Variants in GTF2I observed in about 807,000 individuals in gnomAD.
The protein encoded by GTF2I is general transcription factor IIi.
GTF2I carries 12 observed loss-of-function variants against 67.6 expected under a neutral mutation model. The ratio of observed to expected loss-of-function variants is 0.18; its 90% CI spans 0.11 to 0.29. GTF2I has a LOEUF of 0.29. Ranked by LOEUF, GTF2I falls within the 10% of genes least tolerant of loss-of-function variation. The pLI, the probability that GTF2I is intolerant of heterozygous loss-of-function variation, is 1.00. For missense variants in GTF2I, 271 were observed against 580.1 expected (o/e 0.47, Z 5.47); for synonymous variants, 149 against 197.0 (o/e 0.76, Z 2.04).
chr7:74,668,134 A>G (rs1005561554), intron 1 of GTF2I, among the ~76,000 whole-genome samples: 3 of 149,570 alleles, frequency 2.0e-5, no homozygotes, highest in Non-Finnish European at 3.0e-5. Flanking sequence ...GCCCAGTCTT[A>G]ACCATTTTTA....
chr7:74,698,860 T>A, intron 3 of GTF2I, 101 bp from the exon 4 acceptor site: 1 of 450,220 alleles, frequency 2.2e-6, no homozygotes, highest in Non-Finnish European at 3.7e-6. Flanking sequence ...GTTTTCCCTG[T>A]TAGGATACAG....
At chr7:74,688,916 G>A (rs1247019681) in intron 1 of GTF2I, 1 of 483,564 alleles carries the variant, frequency 2.1e-6, no homozygotes, top group African/African-American at 1.9e-5. Context: ...CAATTTTCTG[G>A]AAATAACAAT....
At chr7:74,698,250 C>T (rs889106026) in intron 3 of GTF2I, among the ~76,000 whole-genome samples, 2 of 151,688 alleles carry the variant, frequency 1.3e-5, no homozygotes, top group African/African-American at 2.4e-5. Flanking sequence ...CCACCGCGCC[C>T]GGCCTAATTT....
chr7:74,680,079 C>CAAAAAAAAAA (rs1225904374), intron 1 of GTF2I, among the ~76,000 whole-genome samples: 3 of 30,526 alleles, frequency 9.8e-5, no homozygotes, highest in Non-Finnish European at 5.2e-5. Flanking sequence ...GAGTCCATCT[C>CAAAAAAAAAA]AAAAAAAAAA....
intron 12 of GTF2I, chr7:74,726,383 A>G (rs1793780814): frequency 6.6e-6 from 1 of 152,122 alleles, no homozygotes; most frequent in Non-Finnish European, 1.5e-5. Context: ...TAAAAAGTAT[A>G]TTTTCAGAAT....
At chr7:74,703,773 T>C (rs896591362) in intron 6 of GTF2I, among the ~76,000 whole-genome samples, 3 of 152,246 alleles carry the variant, frequency 2.0e-5, no homozygotes, top group East Asian at 3.8e-4. Flanking sequence ...ACAAGTCTTA[T>C]AGCTTCAACT....
Position 74,669,540 on chromosome 7 carries a change from C to CT in GTF2I, c.-6+11485dup, listed in dbSNP as rs797035367. Among the ~76,000 whole-genome samples, 1,071 of 130,008 alleles carry CT rather than the reference C, an allele frequency of 8.2e-3. 9 individuals carry two copies. The highest frequency in any genetic ancestry group is 0.024 in the African/African-American group (836 of 35,126). The allele number at this position is 130,008 out of a possible 152,430, so 85.3% of individuals were successfully genotyped here. ...ACCATCGCTCCCAGCTGGAAGGTGACTTTTTTTTTTTTTGAGACAGTGTCT... is the reference window on the plus strand; with the variant it reads ...ACCATCGCTCCCAGCTGGAAGGTGACTTTTTTTTTTTTTTGAGACAGTGTCT... On this transcript the variant is annotated intron_variant, in intron 1 of 34. Transcript: ENST00000573035.
chr7:74,717,682 AGAG>A (rs1303471959), intron 11 of GTF2I, among the ~76,000 whole-genome samples: 2 of 152,174 alleles, frequency 1.3e-5, no homozygotes, highest in Non-Finnish European at 2.9e-5. Context: ...TAGAATGAAA[AGAG>A]GAGTCTGTTG....
intron 1 of GTF2I, among the ~76,000 whole-genome samples, chr7:74,688,569 G>T (rs1250423573): frequency 1.3e-5 from 2 of 152,158 alleles, no homozygotes; most frequent in Non-Finnish European, 2.9e-5. Context: ...CAATTCTCCT[G>T]CCTCAGCCTC....
chr7:74,725,141 A>C (rs1197236786), intron 12 of GTF2I, among the ~76,000 whole-genome samples: 6 of 152,182 alleles, frequency 3.9e-5, no homozygotes, highest in African/African-American at 1.4e-4. Flanking sequence ...TTTATGCTTC[A>C]GAGTAAAAAG....
chr7:74,663,856 T>A (rs587647208), intron 1 of GTF2I, among the ~76,000 whole-genome samples: 1 of 151,970 alleles, frequency 6.6e-6, no homozygotes, highest in Non-Finnish European at 1.5e-5. Flanking sequence ...TGAGACAGAG[T>A]CTCGCTTTTG....
At chr7:74,697,736 A>G (rs1789085501) in intron 3 of GTF2I, among the ~76,000 whole-genome samples, 1 of 152,020 alleles carries the variant, frequency 6.6e-6, no homozygotes, top group South Asian at 2.1e-4. Context: ...TTTTTATTTG[A>G]AAAGTTCCCT....
chr7:74,662,511 CTTTTTTTTTT>C (rs1161320476), intron 1 of GTF2I, among the ~76,000 whole-genome samples: 49 of 50,222 alleles, frequency 9.8e-4, no homozygotes, highest in African/African-American at 2.8e-3. Flanking sequence ...CACCTGGACC[CTTTTTTTTTT>C]TTTTTTTTTT....
rs1794585027 is a variant in GTF2I at position 74,732,389 on chromosome 7, A to G, written c.1121-90A>G. 3.6e-5 allele frequency: 45 copies of G among 1,259,024 alleles called. No homozygotes were observed. The South Asian group carries it at 9.0e-4, about 25-fold the overall frequency. The allele number at this position is 1,259,024 out of a possible 1,614,324, so 78.0% of individuals were successfully genotyped here. On this transcript the variant is annotated intron_variant, in intron 14 of 34. Coordinates refer to ENST00000573035, the MANE Select transcript of GTF2I (RefSeq NM_032999.4). Reference sequence around the variant, plus strand: ...ACTCCATCTCAAAAAAATAAAAAAAAAGTTAAAGAGCACTACAGATTCAAT... The same window carrying G: ...ACTCCATCTCAAAAAAATAAAAAAAGAGTTAAAGAGCACTACAGATTCAAT...
chr7:74,689,348 CT>C (rs1162860651), intron 2 of GTF2I, 121 bp downstream of exon 2: 10,367 of 144,686 alleles, frequency 0.072, 3 homozygotes, highest in Middle Eastern at 0.15. Context: ...TTTTTCTTTA[CT>C]TTTTTTTTTT....
At chr7:74,696,351 A>C (rs1788901087) in intron 3 of GTF2I, among the ~76,000 whole-genome samples, 1 of 144,648 alleles carries the variant, frequency 6.9e-6, no homozygotes, top group Admixed American at 7.0e-5. Context: ...TTTTTTTTTG[A>C]GACAGAGTCT....
intron 12 of GTF2I, among the ~76,000 whole-genome samples, chr7:74,724,735 A>G (rs1554405318): frequency 2.0e-5 from 3 of 152,308 alleles, no homozygotes; most frequent in Non-Finnish European, 4.4e-5. Context: ...AGCCTGACCA[A>G]CATGGTGAAA....
chr7:74,662,511 C>CTTTTTTTTTTTTTTTTTT (rs1161320476), intron 1 of GTF2I, among the ~76,000 whole-genome samples: 2 of 50,200 alleles, frequency 4.0e-5, no homozygotes, highest in East Asian at 7.3e-4. Flanking sequence ...CACCTGGACC[C>CTTTTTTTTTTTTTTTTTT]TTTTTTTTTT....
chr7:74,709,202 G>A lies in GTF2I; in HGVS notation c.686-1830G>A, dbSNP rs1271221348. On this transcript the variant is annotated intron_variant, in intron 8 of 34. Coordinates refer to ENST00000573035, the MANE Select transcript of GTF2I (RefSeq NM_032999.4). ...AATAGGCATAGTCGCCACAGTCTAC[G>A]TTTCTGCAGCTTACCAGACTTTTTT... Among the ~76,000 whole-genome samples the A allele has an allele frequency of 5.3e-5, 8 of 152,142 alleles. No homozygotes were observed. In the East Asian group the frequency reaches 1.2e-3, roughly 22 times the overall value.
Sources: gnomAD v4.1 joint callset for allele counts (sites outside exome capture counted in the v4.1 genomes callset) on GRCh38, gnomAD v4.1.1 for gene constraint, MANE v1.5 for transcripts, NCBI Gene and HGNC (gene_info 2026-07-23, HGNC 2026-07-21) for gene names.